The following TLN2 variants were observed in gnomAD, a reference collection of about 807,000 sequenced individuals.
The protein encoded by TLN2 is talin 2.
A neutral mutation model predicts 294.7 loss-of-function variants in TLN2; 118 were observed. That is an observed-to-expected ratio of 0.40 (90% CI 0.34 to 0.47). The LOEUF is 0.47. TLN2 is among the 20% of genes least tolerant of loss of function. The pLI, the probability that TLN2 is intolerant of heterozygous loss-of-function variation, is 0.84. For synonymous variants in TLN2, 1,431 were observed against 1,304.5 expected (o/e 1.10, Z -2.09); for missense variants, 3,083 against 3,282.2 (o/e 0.94, Z 1.48).
Position 62,761,761 on chromosome 15 carries a change from C to T in TLN2, c.4719C>T (p.Asn1573=). 1.2e-6 allele frequency: 2 copies of T among 1,614,162 alleles called. No homozygotes were observed. Among genetic ancestry groups the T allele is most frequent in the East Asian group, 2.2e-5 (1 of 44,874 alleles). Residue 1573 remains asparagine (N), a synonymous_variant, in exon 38 of 59, where the codon AAC becomes AAT. Coordinates refer to ENST00000636159, the MANE Select transcript of TLN2 (RefSeq NM_015059.3). ...ATAPLIEAVE[N]LTAFASNPEF... ...CACCCTTGATTGAAGCTGTGGAGAA[C>T]CTGACAGCGTTCGCCTCAAACCCTG...
chr15:62,500,825 TGA>T (rs1457692811), intron 1 of TLN2, among the ~76,000 whole-genome samples: 1 of 152,230 alleles, frequency 6.6e-6, no homozygotes, highest in Non-Finnish European at 1.5e-5. Flanking sequence ...ATACTCTTCT[TGA>T]GCAGTTAAAG....
In TLN2 at chr15:62,554,803, G is replaced by T. The variant is rs78972827; in HGVS notation, c.-237-34884G>T. On this transcript the variant is annotated intron_variant, in intron 1 of 58. Transcript: ENST00000636159. ...TAGGATTCTATTTTCCAGTGAGAGA[G>T]TACCACTTACGTGATAACTTTGCAC... Among the ~76,000 whole-genome samples, 173 of 152,236 alleles carry T rather than the reference G, an allele frequency of 1.1e-3. 3 individuals are homozygous for T. The highest frequency in any genetic ancestry group is 9.8e-3 in the East Asian group (51 of 5,184).
chr15:62,614,808 C>T (rs559145516), intron 2 of TLN2, among the ~76,000 whole-genome samples: 2 of 152,256 alleles, frequency 1.3e-5, no homozygotes, highest in South Asian at 4.1e-4. Flanking sequence ...CCAATTCACT[C>T]CTGTGCTGTG....
In TLN2 at chr15:62,708,788, G is replaced by A. The variant is rs903420412; in HGVS notation, c.2459G>A (p.Gly820Asp). 1 of 1,602,102 alleles carries A rather than the reference G, an allele frequency of 6.2e-7. No homozygotes were observed. The highest frequency in any genetic ancestry group is 2.2e-5 in the East Asian group (1 of 44,856). Residue 820 changes from glycine to aspartate, a missense_variant, in exon 21 of 59, where the codon GGT (glycine) becomes GAT (aspartate). Gly to Asp is a moderately conservative substitution (Grantham distance 94). Transcript: ENST00000636159. ...CVTESIFSSM[G>D]DAGEMVRQAR... ...ACCGAGAGCATCTTCAGCTCCATGG[G>A]TGACGCTGGTAAGGCACTGTGCTGT... is the stretch of plus-strand genomic sequence containing the variant.
intron 50 of TLN2, among the ~76,000 whole-genome samples, chr15:62,804,446 A>C (rs956355277): frequency 1.3e-5 from 2 of 152,096 alleles, no homozygotes; most frequent in African/African-American, 4.8e-5. Context: ...AAAAATTAAA[A>C]AGTTAGCCAG....
chr15:62,618,923 C>G (rs373527938), intron 3 of TLN2, among the ~76,000 whole-genome samples: 2 of 152,184 alleles, frequency 1.3e-5, no homozygotes, highest in East Asian at 1.9e-4. Flanking sequence ...ATAAACTAAA[C>G]TCACACCATA....
intron 48 of TLN2, among the ~76,000 whole-genome samples, chr15:62,797,608 A>C (rs991029429): frequency 6.6e-6 from 1 of 152,186 alleles, no homozygotes; most frequent in Non-Finnish European, 1.5e-5. Context: ...GATGGAGACA[A>C]GCGGAGGGAT....
intron 11 of TLN2, among the ~76,000 whole-genome samples, chr15:62,676,150 G>A (rs183109458): frequency 6.6e-6 from 1 of 152,280 alleles, no homozygotes; most frequent in African/African-American, 2.4e-5. Context: ...CTAAGAAGGT[G>A]TCTTTCCCCA....
chr15:62,610,329 C>T (rs1257160980), intron 2 of TLN2, among the ~76,000 whole-genome samples: 1 of 152,186 alleles, frequency 6.6e-6, no homozygotes, highest in Non-Finnish European at 1.5e-5. Context: ...GCTTGGGTTC[C>T]TGTAGGATTC....
intron 40 of TLN2, 106 bp downstream of exon 40, chr15:62,763,801 G>T (rs2062823557): frequency 7.1e-7 from 1 of 1,409,066 alleles, no homozygotes; most frequent in Non-Finnish European, 9.3e-7. Context: ...TGTTTCTGTT[G>T]CTGGAGTTTC....
intron 2 of TLN2, among the ~76,000 whole-genome samples, chr15:62,616,496 A>G (rs1297039979): frequency 6.6e-6 from 1 of 152,162 alleles, no homozygotes; most frequent in East Asian, 1.9e-4. Flanking sequence ...TGGTGTGATC[A>G]TGAATCGCTG....
chr15:62,479,717 C>A (rs2140380101), intron 1 of TLN2, among the ~76,000 whole-genome samples: 1 of 152,164 alleles, frequency 6.6e-6, no homozygotes, highest in African/African-American at 2.4e-5. Flanking sequence ...AATTCCTGGC[C>A]CCAAGTGATC....
chr15:62,696,417 A>C (rs2058339733), intron 14 of TLN2, among the ~76,000 whole-genome samples: 1 of 152,236 alleles, frequency 6.6e-6, no homozygotes, highest in East Asian at 1.9e-4. Flanking sequence ...TAAAAAATGC[A>C]ATTTTTTGGC....
intron 1 of TLN2, among the ~76,000 whole-genome samples, chr15:62,418,933 G>C (rs776356603): frequency 6.6e-6 from 1 of 152,202 alleles, no homozygotes; most frequent in Non-Finnish European, 1.5e-5. Flanking sequence ...TATATATGCA[G>C]GTCACTGGGG....
intron 1 of TLN2, among the ~76,000 whole-genome samples, chr15:62,562,906 TCACACACACA>T (rs61578830): frequency 0.055 from 5,444 of 99,174 alleles, 147 homozygotes; most frequent in Middle Eastern, 0.069. Context: ...TAGTATTCCA[TCACACACACA>T]CACACACACA....
chr15:62,720,492 A>G (rs1036223490), intron 25 of TLN2, among the ~76,000 whole-genome samples: 14 of 152,188 alleles, frequency 9.2e-5, no homozygotes, highest in African/African-American at 3.4e-4. Flanking sequence ...AGGTGGGTCA[A>G]TTCCTCATCC....
intron 9 of TLN2, among the ~76,000 whole-genome samples, chr15:62,662,907 T>C (rs2054052832): frequency 8.1e-6 from 1 of 123,912 alleles, no homozygotes; most frequent in Non-Finnish European, 1.6e-5. Context: ...CACTGCAAGC[T>C]CTGCCTCCCG....
At chr15:62,743,118 C>T (rs1263294622) in intron 32 of TLN2, among the ~76,000 whole-genome samples, 1 of 152,176 alleles carries the variant, frequency 6.6e-6, no homozygotes, top group African/African-American at 2.4e-5. Flanking sequence ...ATGCTCCGCT[C>T]ATTTCATCTG....
At chr15:62,519,261 C>T (rs868205222) in intron 1 of TLN2, among the ~76,000 whole-genome samples, 3 of 152,126 alleles carry the variant, frequency 2.0e-5, no homozygotes, top group Non-Finnish European at 2.9e-5. Flanking sequence ...TGAAGTTGGC[C>T]GTCTCAGTAC....
Sources: allele counts gnomAD v4.1 joint callset (sites outside exome capture counted in the v4.1 genomes callset), GRCh38; gene constraint gnomAD v4.1.1; transcripts MANE v1.5; gene names NCBI Gene and HGNC (gene_info 2026-07-23, HGNC 2026-07-21).